Variants in CLPSL1 observed in about 807,000 individuals in gnomAD.
CLPSL1 encodes the protein colipase like 1.
CLPSL1 carries 13 observed loss-of-function variants against 9.3 expected under a neutral mutation model. The ratio of observed to expected loss-of-function variants is 1.40; its 90% CI spans 0.91 to 2.22. CLPSL1 has a LOEUF of 2.22. CLPSL1 is among the 30% of genes most tolerant of loss of function. The probability of loss-of-function intolerance (pLI) is 0.00; values close to 1 mark genes in which losing one functional copy is unlikely to be tolerated. For synonymous variants in CLPSL1, 58 were observed against 56.9 expected (o/e 1.02, Z -0.08); for missense variants, 164 against 146.6 (o/e 1.12, Z -0.61).
At chr6:35,786,269 G>T (rs1768071523) in intron 1 of CLPSL1, among the ~76,000 whole-genome samples, 1 of 152,178 alleles carries the variant, frequency 6.6e-6, no homozygotes, top group African/African-American at 2.4e-5. Context: ...AAGAAGAAAA[G>T]AAAATTTAAA....
downstream of CLPSL1, among the ~76,000 whole-genome samples, chr6:35,791,122 C>T (rs1282811543): frequency 1.3e-5 from 2 of 152,194 alleles, no homozygotes; most frequent in African/African-American, 4.8e-5. Flanking sequence ...TTTTATGCTT[C>T]AGTGGCATTC....
downstream of CLPSL1, among the ~76,000 whole-genome samples, chr6:35,788,461 T>C (rs1768132472): frequency 6.6e-6 from 1 of 152,266 alleles, no homozygotes; most frequent in Admixed American, 6.5e-5. Context: ...TATCCATGTG[T>C]ATAAAGAATT....
downstream of CLPSL1, among the ~76,000 whole-genome samples, chr6:35,793,878 G>A (rs116966926): frequency 0.011 from 1,605 of 152,118 alleles, 11 homozygotes; most frequent in South Asian, 0.036. Context: ...TTCCACCTGC[G>A]TACCTGGATG....
chr6:35,783,106 C>G (rs1194558379), intron 1 of CLPSL1, among the ~76,000 whole-genome samples: 1 of 152,114 alleles, frequency 6.6e-6, no homozygotes, highest in Non-Finnish European at 1.5e-5. Flanking sequence ...CCCCAAAAGC[C>G]TCACTCTTAC....
chr6:35,786,667 G>A (rs1210644842), intron 1 of CLPSL1, among the ~76,000 whole-genome samples: 2 of 151,894 alleles, frequency 1.3e-5, no homozygotes, highest in African/African-American at 4.8e-5. Flanking sequence ...GAAAGGGTGA[G>A]TATGAGTTTT....
At chr6:35,787,150 G>C in intron 2 of CLPSL1, 30 bp downstream of exon 2, 1 of 1,607,606 alleles carries the variant, frequency 6.2e-7, no homozygotes, top group Non-Finnish European at 8.5e-7. Flanking sequence ...GGGAGCCAGA[G>C]GGGATCCAGG....
chr6:35,792,410 C>T (rs972229747), downstream of CLPSL1, among the ~76,000 whole-genome samples: 2 of 152,252 alleles, frequency 1.3e-5, no homozygotes, highest in Admixed American at 6.5e-5. Context: ...AATAAAGTGT[C>T]GAATATATCT....
downstream of CLPSL1, among the ~76,000 whole-genome samples, chr6:35,789,514 C>T (rs554761917): frequency 5.2e-5 from 8 of 152,384 alleles, no homozygotes; most frequent in East Asian, 1.9e-4. Flanking sequence ...AACTATTACA[C>T]GACATTGGTC....
intron 1 of CLPSL1, among the ~76,000 whole-genome samples, chr6:35,785,992 C>T (rs926817836): frequency 1.8e-4 from 27 of 150,362 alleles, no homozygotes; most frequent in Non-Finnish European, 1.3e-4. Flanking sequence ...GGGTTGGGCG[C>T]GGTGGCTCAT....
intron 2 of CLPSL1, 24 bp downstream of exon 2, chr6:35,787,144 G>A (rs773132834): frequency 6.2e-7 from 1 of 1,609,698 alleles, no homozygotes; most frequent in Non-Finnish European, 8.5e-7. Context: ...CCCGGGGGGA[G>A]CCAGAGGGGA....
At chr6:35,783,533 G>A (rs1768008764) in intron 1 of CLPSL1, among the ~76,000 whole-genome samples, 2 of 151,750 alleles carry the variant, frequency 1.3e-5, no homozygotes, top group East Asian at 1.9e-4. Context: ...GGGGCTGGGC[G>A]CGGTGGCTCA....
chr6:35,781,330 A>G, intron 1 of CLPSL1, 121 bp downstream of exon 1: 1 of 1,397,040 alleles, frequency 7.2e-7, no homozygotes, highest in South Asian at 1.5e-5. Flanking sequence ...GGCAGCAGGG[A>G]GTGTTGGGTG....
At chr6:35,791,175 G>A (rs1425491632), downstream of CLPSL1, among the ~76,000 whole-genome samples, 1 of 152,258 alleles carries the variant, frequency 6.6e-6, no homozygotes, top group Non-Finnish European at 1.5e-5. Context: ...CTGCCCTATG[G>A]GAAAAGTGGT....
downstream of CLPSL1, among the ~76,000 whole-genome samples, chr6:35,789,870 G>A (rs1219583969): frequency 1.3e-5 from 2 of 152,112 alleles, no homozygotes. Context: ...CTCCAGCCTG[G>A]GCAAGAGAGC....
At position 35,793,574 on chromosome 6, in the gene CLPSL1, G is replaced by A. The variant is rs759438971; in HGVS notation, c.*39G>A. ...TGCTAAGGCATGTGGCAACCTTGAAGAGAAGGTCAAGAGCTACCAGCCACC... is the reference window on the plus strand; with the variant it reads ...TGCTAAGGCATGTGGCAACCTTGAAAAGAAGGTCAAGAGCTACCAGCCACC... On this transcript the variant is annotated 3_prime_UTR_variant, in exon 2 of 2. Transcript: ENST00000428710. The A allele has an allele frequency of 1.7e-4, 81 of 471,608 alleles. 1 individual carries two copies. In the Middle Eastern group the frequency reaches 2.9e-3, roughly 17 times the overall value. The allele number at this position is 471,608 out of a possible 1,614,324, so 29.2% of individuals were successfully genotyped here. A position where few individuals can be genotyped will look rare whatever the true frequency, so the allele number is the denominator to read the frequency against.
downstream of CLPSL1, among the ~76,000 whole-genome samples, chr6:35,789,615 C>T (rs1483064416): frequency 2.0e-5 from 3 of 152,242 alleles, no homozygotes; most frequent in Admixed American, 6.5e-5. Context: ...AGCTCTGGAC[C>T]GAGCACGGTG....
At chr6:35,789,950 A>G (rs561188232), downstream of CLPSL1, among the ~76,000 whole-genome samples, 88 of 152,310 alleles carry the variant, frequency 5.8e-4, no homozygotes, top group African/African-American at 2.1e-3. Context: ...TGTTGGAGAC[A>G]GGGTCTCACT....
chr6:35,782,773 G>C (rs1357710067), intron 1 of CLPSL1, among the ~76,000 whole-genome samples: 1 of 152,052 alleles, frequency 6.6e-6, no homozygotes, highest in African/African-American at 2.4e-5. Flanking sequence ...ACTTGAGGAG[G>C]TTGGGGAGGT....
chr6:35,788,191 G>A (rs957183007), downstream of CLPSL1: 6 of 613,400 alleles, frequency 9.8e-6, no homozygotes, highest in Non-Finnish European at 1.5e-5. Context: ...GGCTGGGCTG[G>A]GGTGGGCATG....
Sources: gnomAD v4.1 joint callset for allele counts (sites outside exome capture counted in the v4.1 genomes callset) on GRCh38, gnomAD v4.1.1 for gene constraint, MANE v1.5 for transcripts, NCBI Gene and HGNC (gene_info 2026-07-23, HGNC 2026-07-21) for gene names.